The following SLC35F3 variants were observed in gnomAD, a reference collection of about 807,000 sequenced individuals.
SLC35F3 encodes the protein solute carrier family 35 member F3.
In SLC35F3, 25 loss-of-function variants were observed where a neutral mutation model predicts 49.9. The ratio of observed to expected loss-of-function variants is 0.50; its 90% CI spans 0.37 to 0.70. The LOEUF (loss-of-function observed/expected upper bound fraction) is 0.70, where lower values mean the gene tolerates loss of function less well. Ranked by LOEUF, SLC35F3 falls within the 30% of genes least tolerant of loss-of-function variation. The pLI, the probability that SLC35F3 is intolerant of heterozygous loss-of-function variation, is 0.00. For synonymous variants in SLC35F3, 275 were observed against 265.4 expected (o/e 1.04, Z -0.35); for missense variants, 525 against 639.8 (o/e 0.82, Z 1.94).
chr1:234,323,129 G>A lies in SLC35F3; in HGVS notation c.1359G>A (p.Lys453=). The stretch of plus-strand genomic sequence containing the variant: ...AGGAGTGGGATGTCTGGTTGATCAA[G>A]CTGCTCACCCGACTCAAAGTGAGGA... ...LPEEWDVWLI[K]LLTRLKVRKK... Residue 453 remains lysine (K), a synonymous_variant, in exon 8 of 8, where the codon AAG becomes AAA. Transcript: ENST00000366618. This position sits in a 1 kb window ranked among gnomAD's most constrained non-coding sequence, Gnocchi z 4.5. 2 of 1,614,140 alleles carry A rather than the reference G, an allele frequency of 1.2e-6. No individual in the cohort carries two copies. The highest frequency in any genetic ancestry group is 1.7e-6 in the Non-Finnish European group (2 of 1,180,040).
chr1:234,228,868 T>C (rs1667326450), intron 2 of SLC35F3, among the ~76,000 whole-genome samples: 1 of 152,244 alleles, frequency 6.6e-6, no homozygotes, highest in African/African-American at 2.4e-5. Context: ...TTAGCACTTT[T>C]GTGATGTATG....
At chr1:234,032,656 T>C (rs1365275426) in intron 2 of SLC35F3, among the ~76,000 whole-genome samples, 1 of 152,232 alleles carries the variant, frequency 6.6e-6, no homozygotes, top group Non-Finnish European at 1.5e-5. Flanking sequence ...TGGTCTCCAA[T>C]TCCATCCAAG....
intron 2 of SLC35F3, among the ~76,000 whole-genome samples, chr1:233,922,404 A>G (rs1212794205): frequency 6.8e-6 from 1 of 146,972 alleles, no homozygotes; most frequent in Non-Finnish European, 1.5e-5. Flanking sequence ...GATGATGAGC[A>G]TTTTTTCATG....
intron 2 of SLC35F3, among the ~76,000 whole-genome samples, chr1:233,947,846 A>G (rs1662537770): frequency 1.4e-5 from 2 of 146,136 alleles, no homozygotes; most frequent in Non-Finnish European, 3.0e-5. Context: ...AAAAAAAGAG[A>G]AGTCTTAGTG....
intron 3 of SLC35F3, among the ~76,000 whole-genome samples, chr1:234,236,771 A>G (rs1346441683): frequency 6.6e-6 from 1 of 151,904 alleles, no homozygotes; most frequent in Non-Finnish European, 1.5e-5. Flanking sequence ...TCTGTAGAAA[A>G]TGGAATGAAG....
At chr1:233,943,669 G>A (rs1662466052) in intron 2 of SLC35F3, among the ~76,000 whole-genome samples, 1 of 152,162 alleles carries the variant, frequency 6.6e-6, no homozygotes, top group Admixed American at 6.5e-5. Flanking sequence ...AAATCCATAT[G>A]GGCTTGGCTA....
chr1:234,118,885 C>CT (rs60469123), intron 2 of SLC35F3, among the ~76,000 whole-genome samples: 23,582 of 143,386 alleles, frequency 0.16, 3,224 homozygotes, highest in East Asian at 0.8. Context: ...TTTTTCTTTT[C>CT]TTTTTTTTTT....
intron 2 of SLC35F3, among the ~76,000 whole-genome samples, chr1:233,997,143 C>T (rs1663474700): frequency 6.6e-6 from 1 of 152,084 alleles, no homozygotes; most frequent in South Asian, 2.1e-4. Flanking sequence ...TTTCTTTCTC[C>T]ACTCCCCTGT....
intron 2 of SLC35F3, among the ~76,000 whole-genome samples, chr1:233,953,223 G>T (rs1444730749): frequency 2.0e-5 from 3 of 151,928 alleles, no homozygotes; most frequent in African/African-American, 7.3e-5. Context: ...GCAAAGAAAA[G>T]ATACAAAAAC....
At chr1:233,974,657 G>A (rs1291898847) in intron 2 of SLC35F3, among the ~76,000 whole-genome samples, 1 of 152,068 alleles carries the variant, frequency 6.6e-6, no homozygotes, top group Non-Finnish European at 1.5e-5. Context: ...CAACTCTTGG[G>A]ATTGATTTTC....
At chr1:233,980,118 C>CCA (rs1427579640) in intron 2 of SLC35F3, among the ~76,000 whole-genome samples, 4 of 152,192 alleles carry the variant, frequency 2.6e-5, no homozygotes, top group Non-Finnish European at 5.9e-5. Context: ...TTAATCTTTA[C>CCA]CACACACACA....
In SLC35F3 at chr1:234,040,538, G is replaced by T. The variant is rs192793829; in HGVS notation, c.283+134780G>T. The stretch of plus-strand genomic sequence containing the variant: ...ATTCAGAATGTACGATTTAGCAGAA[G>T]AAAGTGTGGTAGACCCACACAAGCA... On this transcript the variant is annotated intron_variant, in intron 2 of 7. Transcript: ENST00000366618. Among the ~76,000 whole-genome samples the T allele has an allele frequency of 2.0e-5, 3 of 152,328 alleles. No homozygotes were observed. The East Asian group carries it at 5.8e-4, about 29-fold the overall frequency.
At chr1:234,253,077 G>C (rs1667762785) in intron 3 of SLC35F3, among the ~76,000 whole-genome samples, 1 of 152,190 alleles carries the variant, frequency 6.6e-6, no homozygotes, top group African/African-American at 2.4e-5. Flanking sequence ...TGTAATCCCA[G>C]CACTTTGGGA....
chr1:234,104,816 A>G (rs1354778082), intron 2 of SLC35F3, among the ~76,000 whole-genome samples: 1 of 152,220 alleles, frequency 6.6e-6, no homozygotes, highest in Admixed American at 6.5e-5. Context: ...ATGAAAGCAG[A>G]CTGTGTCATT....
intron 2 of SLC35F3, among the ~76,000 whole-genome samples, chr1:234,182,041 C>T (rs576380108): frequency 6.3e-4 from 96 of 152,228 alleles, no homozygotes; most frequent in Non-Finnish European, 1.2e-3. Flanking sequence ...ATACGAATGG[C>T]GAAAGGAATT....
chr1:234,279,762 C>G (rs1668272837), intron 3 of SLC35F3, among the ~76,000 whole-genome samples: 1 of 152,192 alleles, frequency 6.6e-6, no homozygotes, highest in Non-Finnish European at 1.5e-5. Flanking sequence ...ATGGCCAAAG[C>G]CTGCCTCACA....
In SLC35F3 at chr1:234,316,592, G is replaced by A. The variant is rs6657486; in HGVS notation, c.829-10G>A. Reference sequence around the variant, plus strand: ...ACTTCCCTGACCAGCATTTTCTTCCGTCTGTCCAGATTGTGGCCGCCATCC... The same window carrying A: ...ACTTCCCTGACCAGCATTTTCTTCCATCTGTCCAGATTGTGGCCGCCATCC... On this transcript the variant is annotated splice_polypyrimidine_tract_variant and intron_variant, in intron 4 of 7. Transcript: ENST00000366618. The A allele has an allele frequency of 3.8e-3, 6,078 of 1,600,982 alleles. 142 individuals are homozygous for A. In the African/African-American group the frequency reaches 0.058, roughly 15 times the overall value.
chr1:234,073,748 C>T (rs1279864990), intron 2 of SLC35F3, among the ~76,000 whole-genome samples: 2 of 152,100 alleles, frequency 1.3e-5, no homozygotes, highest in Non-Finnish European at 2.9e-5. Context: ...ACTGTGAAAC[C>T]ACTGGACTTT....
In SLC35F3 at chr1:234,003,702, C is replaced by A. The variant is rs147097920; in HGVS notation, c.283+97944C>A. Among the ~76,000 whole-genome samples the A allele has an allele frequency of 7.5e-3, 1,138 of 152,220 alleles. 9 individuals carry two copies. The highest frequency in any genetic ancestry group is 0.011 in the Non-Finnish European group (757 of 67,996). On this transcript the variant is annotated intron_variant, in intron 2 of 7. Coordinates refer to ENST00000366618, the MANE Select transcript of SLC35F3 (RefSeq NM_173508.4). ...ATGGATTACAAAGGACAGCATGAAACCAGTTCCAGGCTAAGGGAAGTTGTC... is the reference window on the plus strand; with the variant it reads ...ATGGATTACAAAGGACAGCATGAAAACAGTTCCAGGCTAAGGGAAGTTGTC...
Sources: gnomAD v4.1 joint callset for allele counts (sites outside exome capture counted in the v4.1 genomes callset) on GRCh38, gnomAD v4.1.1 for gene constraint, Gnocchi (gnomAD v3.1) non-coding constraint, MANE v1.5 for transcripts, NCBI Gene and HGNC (gene_info 2026-07-23, HGNC 2026-07-21) for gene names.